ST7: variants seen among roughly 807,000 people sequenced by gnomAD.
The protein encoded by ST7 is suppression of tumorigenicity 7.
A neutral mutation model predicts 78.7 loss-of-function variants in ST7; 28 were observed. The ratio of observed to expected loss-of-function variants is 0.36; its 90% CI spans 0.26 to 0.49. The LOEUF is 0.49. Ranked by LOEUF, ST7 falls within the 20% of genes least tolerant of loss-of-function variation. The pLI is 0.99. For synonymous variants in ST7, 247 were observed against 249.6 expected (o/e 0.99, Z 0.10); for missense variants, 418 against 696.0 (o/e 0.60, Z 4.49).
chr7:116,983,059 T>C (rs1021108024), intron 1 of ST7, among the ~76,000 whole-genome samples: 1 of 152,020 alleles, frequency 6.6e-6, no homozygotes, highest in Admixed American at 6.6e-5. Context: ...CCACCACGCC[T>C]GGCTAATTTT....
intron 1 of ST7, among the ~76,000 whole-genome samples, chr7:117,031,527 T>C (rs62470802): frequency 0.96 from 5,328 of 5,540 alleles, 2,571 homozygotes; most frequent in Middle Eastern, 1. Flanking sequence ...TGCATATATA[T>C]GCATATATGT....
chr7:117,054,133 C>T (rs1192702147), intron 1 of ST7, among the ~76,000 whole-genome samples: 4 of 152,110 alleles, frequency 2.6e-5, no homozygotes, highest in Admixed American at 6.5e-5. Flanking sequence ...CCACCGTGCC[C>T]GCCGGTCTAG....
intron 1 of ST7, among the ~76,000 whole-genome samples, chr7:117,036,192 A>G (rs949767760): frequency 7.2e-5 from 11 of 152,120 alleles, no homozygotes; most frequent in Non-Finnish European, 1.3e-4. Flanking sequence ...CCTGTGTTTT[A>G]TTGGAACTCT....
At chr7:116,977,747 T>C (rs1793768871) in intron 1 of ST7, among the ~76,000 whole-genome samples, 1 of 152,092 alleles carries the variant, frequency 6.6e-6, no homozygotes, top group Non-Finnish European at 1.5e-5. Context: ...AGAGACAGAG[T>C]TTCACCATGT....
intron 1 of ST7, among the ~76,000 whole-genome samples, chr7:116,965,339 C>CA (rs975151437): frequency 0.14 from 6,885 of 48,924 alleles, 439 homozygotes; most frequent in African/African-American, 0.23. Flanking sequence ...GACTCCGTCT[C>CA]AAAAAAAAAA....
At chr7:117,145,073 G>A (rs892127082) in intron 9 of ST7, among the ~76,000 whole-genome samples, 1 of 151,994 alleles carries the variant, frequency 6.6e-6, no homozygotes, top group Non-Finnish European at 1.5e-5. Context: ...GGTAGCACAC[G>A]CCTGTGGTCC....
intron 1 of ST7, among the ~76,000 whole-genome samples, chr7:116,974,554 G>A: frequency 6.6e-6 from 1 of 152,148 alleles, no homozygotes; most frequent in Non-Finnish European, 1.5e-5. Flanking sequence ...GTCTCCCAAA[G>A]TGCTGGGATT....
intron 1 of ST7, among the ~76,000 whole-genome samples, chr7:117,083,921 G>A: frequency 6.6e-6 from 1 of 152,190 alleles, no homozygotes; most frequent in East Asian, 1.9e-4. Context: ...ATTAACAAAC[G>A]ACAATAATCA....
At chr7:117,129,674 G>A in intron 3 of ST7, 119 bp from the exon 4 acceptor site, 1 of 789,034 alleles carries the variant, frequency 1.3e-6, no homozygotes, top group Non-Finnish European at 2.1e-6. Context: ...TGCTTCCCAT[G>A]TAAAGGGTAG....
intron 9 of ST7, among the ~76,000 whole-genome samples, chr7:117,169,390 C>G (rs958254805): frequency 1.3e-5 from 2 of 152,126 alleles, no homozygotes; most frequent in Admixed American, 6.5e-5. Context: ...CCTGCCTCGG[C>G]CTCTCAAAGT....
At chr7:117,069,556 T>C (rs926975763) in intron 1 of ST7, among the ~76,000 whole-genome samples, 6 of 152,256 alleles carry the variant, frequency 3.9e-5, no homozygotes, top group African/African-American at 9.6e-5. Context: ...ATAAACTTGA[T>C]GTCTAGCAAG....
chr7:116,966,910 G>A (rs953182530), intron 1 of ST7, among the ~76,000 whole-genome samples: 1 of 152,296 alleles, frequency 6.6e-6, no homozygotes, highest in African/African-American at 2.4e-5. Context: ...TTGTATGCCT[G>A]TGATTCTCTG....
intron 1 of ST7, among the ~76,000 whole-genome samples, chr7:116,970,324 T>C (rs1447703229): frequency 1.3e-5 from 2 of 152,202 alleles, no homozygotes; most frequent in Non-Finnish European, 2.9e-5. Context: ...GGCTAATTGT[T>C]ACATAAGTTT....
At chr7:117,115,539 A>C (rs1403107565) in intron 2 of ST7, among the ~76,000 whole-genome samples, 1 of 151,986 alleles carries the variant, frequency 6.6e-6, no homozygotes, top group Non-Finnish European at 1.5e-5. Context: ...ATTTTTGTAG[A>C]GATGGGGTTT....
rs1226705567 is a variant in ST7, at chr7:117,190,493, TA to T, written c.1152-340del. On this transcript the variant is annotated intron_variant, in intron 11 of 15. Transcript: ENST00000323984. The surrounding 1 kb of genome is among the most constrained non-coding windows in gnomAD (Gnocchi z 5.2). ...TAACCAAGTGCGCTCTTCTGTAACC[TA>T]GTTTTCTCTTTTTCCTACACTGTCT... 2.0e-5 allele frequency among the ~76,000 whole-genome samples: 3 copies of T among 152,194 alleles called. No homozygotes were observed. The highest frequency in any genetic ancestry group is 1.5e-5 in the Non-Finnish European group (1 of 68,036).
In ST7 at chr7:117,134,208, G is replaced by C; in HGVS notation, c.710+16G>C. ...TGTTACCAAAGTAAGTCAAGAACCTGTTGGGTGCCCTACTTCTAACCAAAT... is the reference window on the plus strand; with the variant it reads ...TGTTACCAAAGTAAGTCAAGAACCTCTTGGGTGCCCTACTTCTAACCAAAT... On this transcript the variant is annotated intron_variant, in intron 7 of 15. Transcript: ENST00000323984. 6.2e-7 allele frequency: 1 copy of C among 1,611,396 alleles called. No individual in the cohort carries two copies. The highest frequency in any genetic ancestry group is 8.5e-7 in the Non-Finnish European group (1 of 1,178,542).
At chr7:117,158,869 A>G (rs946321200) in intron 9 of ST7, among the ~76,000 whole-genome samples, 3 of 152,192 alleles carry the variant, frequency 2.0e-5, no homozygotes, top group Non-Finnish European at 4.4e-5. Flanking sequence ...ATAATTAAAT[A>G]ATGTCAAACT....
intron 1 of ST7, among the ~76,000 whole-genome samples, chr7:116,998,234 G>T (rs1794762972): frequency 6.6e-6 from 1 of 152,228 alleles, no homozygotes; most frequent in African/African-American, 2.4e-5. Context: ...GCAGCTGCTG[G>T]CCTGGGTGCT....
chr7:117,197,588 T>C (rs1336075105), intron 12 of ST7, among the ~76,000 whole-genome samples: 1 of 152,192 alleles, frequency 6.6e-6, no homozygotes, highest in Non-Finnish European at 1.5e-5. Context: ...CATTGAGCAG[T>C]TTGTTTAAAA....
Sources: gnomAD v4.1 joint callset for allele counts (sites outside exome capture counted in the v4.1 genomes callset) on GRCh38, gnomAD v4.1.1 for gene constraint, Gnocchi (gnomAD v3.1) non-coding constraint, MANE v1.5 for transcripts, NCBI Gene and HGNC (gene_info 2026-07-23, HGNC 2026-07-21) for gene names.